The following COL9A1 variants were observed in gnomAD, a reference collection of about 807,000 sequenced individuals.
The protein encoded by COL9A1 is collagen alpha-1(IX) chain.
A neutral mutation model predicts 142.6 loss-of-function variants in COL9A1; 104 were observed. That is an observed-to-expected ratio of 0.73 (90% CI 0.62 to 0.86). The LOEUF (loss-of-function observed/expected upper bound fraction) is 0.86, where lower values mean the gene tolerates loss of function less well. Ranked by LOEUF, COL9A1 falls within the 40% of genes least tolerant of loss-of-function variation. The probability of loss-of-function intolerance (pLI) is 0.00; values close to 1 mark genes in which losing one functional copy is unlikely to be tolerated. For synonymous variants in COL9A1, 466 were observed against 396.0 expected (o/e 1.18, Z -2.10); for missense variants, 1,210 against 1,176.6 (o/e 1.03, Z -0.42).
chr6:70,287,167 G>A (rs1476481069), intron 5 of COL9A1, among the ~76,000 whole-genome samples: 1 of 152,080 alleles, frequency 6.6e-6, no homozygotes, highest in Non-Finnish European at 1.5e-5. Context: ...GACACGGAGG[G>A]TAAAGATTAG....
intron 4 of COL9A1, among the ~76,000 whole-genome samples, chr6:70,296,083 T>C (rs141069540): frequency 1.9e-3 from 296 of 152,310 alleles, no homozygotes; most frequent in African/African-American, 6.8e-3. Context: ...TTATGTCTTA[T>C]AACAACATAA....
chr6:70,256,857 T>A (rs780227315), intron 20 of COL9A1, 36 bp from the exon 21 acceptor site: 1 of 1,600,450 alleles, frequency 6.2e-7, no homozygotes, highest in East Asian at 2.2e-5. Context: ...AAAACTGAGA[T>A]CAGTCATGTA....
At chr6:70,249,581 A>T (rs1770806482) in intron 28 of COL9A1, among the ~76,000 whole-genome samples, 1 of 152,156 alleles carries the variant, frequency 6.6e-6, no homozygotes, top group African/African-American at 2.4e-5. Context: ...AAGAGGACAG[A>T]ACCAACAGGT....
At chr6:70,274,799 AAC>A in intron 10 of COL9A1, 27 bp from the exon 11 acceptor site, 1 of 1,580,050 alleles carries the variant, frequency 6.3e-7, no homozygotes, top group Non-Finnish European at 8.7e-7. Flanking sequence ...ATGATGTTAG[AAC>A]TATCATAACA....
chr6:70,265,136 A>G (rs891052686), intron 18 of COL9A1, among the ~76,000 whole-genome samples: 8 of 152,158 alleles, frequency 5.3e-5, no homozygotes, highest in Non-Finnish European at 1.0e-4. Flanking sequence ...ATGCCAAAAA[A>G]AATTGTAGGT....
At chr6:70,221,325 CT>C (rs1465265798) in intron 37 of COL9A1, among the ~76,000 whole-genome samples, 2 of 152,222 alleles carry the variant, frequency 1.3e-5, no homozygotes, top group Non-Finnish European at 1.5e-5. Context: ...GTTATGTAGA[CT>C]TTTTGTATGT....
intron 20 of COL9A1, among the ~76,000 whole-genome samples, chr6:70,259,128 A>G (rs1771512073): frequency 6.6e-6 from 1 of 152,232 alleles, no homozygotes; most frequent in African/African-American, 2.4e-5. Context: ...AGTGACAAAC[A>G]GCCTGGAAAA....
chr6:70,233,210 C>A (rs1417744196), intron 35 of COL9A1, among the ~76,000 whole-genome samples: 1 of 152,134 alleles, frequency 6.6e-6, no homozygotes, highest in Admixed American at 6.5e-5. Context: ...AGAACATTGT[C>A]CAGAATTAAT....
At chr6:70,274,871 G>T in intron 10 of COL9A1, 99 bp from the exon 11 acceptor site, 2 of 898,960 alleles carry the variant, frequency 2.2e-6, no homozygotes, top group Non-Finnish European at 3.6e-6. Flanking sequence ...TCTACAGGAT[G>T]GTTACATAAG....
chr6:70,283,586 A>G (rs1019106805), intron 6 of COL9A1, 151 bp downstream of exon 6: 2 of 741,682 alleles, frequency 2.7e-6, no homozygotes, highest in African/African-American at 3.5e-5. Flanking sequence ...CTTCCCTAAT[A>G]TTTCTCTAGT....
At chr6:70,254,048 A>T (rs1486085040) in intron 25 of COL9A1, among the ~76,000 whole-genome samples, 2 of 152,306 alleles carry the variant, frequency 1.3e-5, no homozygotes, top group East Asian at 3.9e-4. Context: ...TAATGCAGGG[A>T]AACACCAATT....
rs1174667313 is a variant in COL9A1, at chr6:70,302,044, A to G, written c.45T>C (p.Ser15=). Residue 15 remains serine, a synonymous_variant, in exon 2 of 38, where the codon AGT becomes AGC. Transcript: ENST00000357250. ...CTGCAGATGCCCAGGGTTCCAGGAA[A>G]CTGCACACAAAGAAGAAAACTGGAA... ...WKIPVFFFVC[S]FLEPWASAAV... 1.2e-6 allele frequency: 2 copies of G among 1,612,096 alleles called. No individual in the cohort carries two copies. Among genetic ancestry groups the G allele is most frequent in the Non-Finnish European group, 1.7e-6 (2 of 1,179,258 alleles).
In COL9A1 at chr6:70,282,924, G is replaced by C; in HGVS notation, c.781-6C>G. On this transcript the variant is annotated splice_polypyrimidine_tract_variant and splice_region_variant and intron_variant, in intron 6 of 37. Transcript: ENST00000357250. ...TCGTCGGTGGTCTGGCTGGGCTGGA[G>C]AAGAAAAGATGGGGAGAAAGTGAGA... is the stretch of plus-strand genomic sequence containing the variant. The C allele has an allele frequency of 6.2e-7, 1 of 1,614,126 alleles. No homozygotes were observed. Among genetic ancestry groups the C allele is most frequent in the Non-Finnish European group, 8.5e-7 (1 of 1,180,022 alleles).
chr6:70,289,387 T>C (rs534334811), intron 5 of COL9A1, among the ~76,000 whole-genome samples: 3 of 152,284 alleles, frequency 2.0e-5, no homozygotes, highest in African/African-American at 7.2e-5. Flanking sequence ...TTGATCATTA[T>C]TCAGTTTTTA....
chr6:70,234,926 C>T lies in COL9A1; in HGVS notation c.2127G>A (p.Gly709=), dbSNP rs764717285. 1.2e-6 allele frequency: 2 copies of T among 1,614,012 alleles called. No individual in the cohort carries two copies. The highest frequency in any genetic ancestry group is 1.7e-5 in the Admixed American group (1 of 60,006). The stretch of plus-strand genomic sequence containing the variant: ...CCTCAGGCCCTCTCAAGCCAGGTTC[C>T]CCAGGATTACCTGCCTGGAACACAA... The part of the protein sequence containing the change: ...PGPKGSAGNP[G]EPGLRGPEGS... Residue 709 remains glycine, a synonymous_variant, in exon 34 of 38, where the codon GGG becomes GGA. Coordinates refer to ENST00000357250, the MANE Select transcript of COL9A1 (RefSeq NM_001851.6).
intron 36 of COL9A1, among the ~76,000 whole-genome samples, chr6:70,227,150 C>T (rs1001488591): frequency 1.3e-5 from 2 of 151,932 alleles, no homozygotes; most frequent in East Asian, 3.9e-4. Context: ...TACCTCACAC[C>T]CTATTCCAGG....
chr6:70,302,720 C>G (rs370230018), intron 1 of COL9A1, among the ~76,000 whole-genome samples, 191 bp downstream of exon 1: 1 of 152,014 alleles, frequency 6.6e-6, no homozygotes, highest in African/African-American at 2.4e-5. Context: ...TGTCTGTCTT[C>G]GGTTTTTTGT....
At chr6:70,281,311 AAAC>A in intron 8 of COL9A1, 76 bp downstream of exon 8, 1 of 1,423,970 alleles carries the variant, frequency 7.0e-7, no homozygotes, top group Non-Finnish European at 9.6e-7. Context: ...AAAAAAAAAA[AAAC>A]CCCACAGGAG....
At chr6:70,224,187 T>G (rs1319967952) in intron 37 of COL9A1, among the ~76,000 whole-genome samples, 1 of 152,220 alleles carries the variant, frequency 6.6e-6, no homozygotes, top group Non-Finnish European at 1.5e-5. Context: ...CTGCAAATGA[T>G]GATCTTGTCC....
Sources: gnomAD v4.1 joint callset for allele counts (sites outside exome capture counted in the v4.1 genomes callset) on GRCh38, gnomAD v4.1.1 for gene constraint, MANE v1.5 for transcripts, NCBI Gene and HGNC (gene_info 2026-07-23, HGNC 2026-07-21) for gene names.